RILPL1: variants seen among roughly 807,000 people sequenced by gnomAD.
The protein encoded by RILPL1 is Rab interacting lysosomal protein like 1, also known as RILP-like protein 1.
RILPL1 carries 33 observed loss-of-function variants against 50.3 expected under a neutral mutation model. The observed-to-expected ratio is 0.66, with a 90% confidence interval of 0.50 to 0.88. RILPL1 has a LOEUF of 0.88. Among genes scored for constraint, RILPL1 ranks in the 40% least tolerant of loss-of-function variants. RILPL1 has a pLI of 0.00. For missense variants in RILPL1, 418 were observed against 542.5 expected (o/e 0.77, Z 2.28); for synonymous variants, 205 against 228.6 (o/e 0.90, Z 0.93).
At chr12:123,483,424 GAA>G (rs968206781) in intron 6 of RILPL1, among the ~76,000 whole-genome samples, 3 of 152,344 alleles carry the variant, frequency 2.0e-5, no homozygotes, top group East Asian at 1.9e-4. Flanking sequence ...TATTCTGTGG[GAA>G]CAGGACCCAG....
chr12:123,513,221 T>C (rs1426370343), intron 2 of RILPL1: 1 of 254,410 alleles, frequency 3.9e-6, no homozygotes, highest in Non-Finnish European at 8.5e-6. Flanking sequence ...TGTATGTGTG[T>C]GTCGTGTGTG....
Position 123,523,493 on chromosome 12 carries a change from A to G in RILPL1, c.460+2T>C, listed in dbSNP as rs1170494083. The stretch of plus-strand genomic sequence containing the variant: ...CTTGCATTGGCGCCGACCCCCACTT[A>G]CCTTCATGCTTCTGGAACTCCTCCT... On this transcript the variant is annotated splice_donor_variant, in intron 2 of 6. Transcript: ENST00000376874. LOFTEE classifies it high-confidence loss of function. 4.3e-6 allele frequency: 7 copies of G among 1,613,822 alleles called. No individual in the cohort carries two copies. The highest frequency in any genetic ancestry group is 5.1e-6 in the Non-Finnish European group (6 of 1,179,876).
chr12:123,531,959 G>T (rs925540709), intron 1 of RILPL1, among the ~76,000 whole-genome samples: 3 of 152,186 alleles, frequency 2.0e-5, no homozygotes, highest in African/African-American at 7.2e-5. Context: ...TTTCCTTCCT[G>T]CCCCTAGGGC....
intron 2 of RILPL1, among the ~76,000 whole-genome samples, chr12:123,506,075 C>A (rs1026385966): frequency 1.3e-5 from 2 of 152,196 alleles, no homozygotes; most frequent in Admixed American, 6.5e-5. Context: ...AGTGCCGTGA[C>A]GGATGTGACA....
In RILPL1 at chr12:123,512,625, T is replaced by C. The variant is rs538954240; in HGVS notation, c.460+10870A>G. ...TCTGTATGTGTGAGGTCTGTGTCTG[T>C]GTGTCGTGTGTGAGGTCTGTGTGTG... On this transcript the variant is annotated intron_variant, in intron 2 of 6. Transcript: ENST00000376874. 5.8e-4 allele frequency among the ~76,000 whole-genome samples: 78 copies of C among 134,958 alleles called. No individual in the cohort carries two copies. The South Asian group carries it at 0.017, about 29-fold the overall frequency. The allele number at this position is 134,958 out of a possible 152,430, so 88.5% of individuals were successfully genotyped here.
intron 6 of RILPL1, 80 bp downstream of exon 6, chr12:123,484,100 C>T: frequency 2.3e-6 from 2 of 862,732 alleles, no homozygotes; most frequent in Non-Finnish European, 3.7e-6. Context: ...GCCCTGGGAG[C>T]AGGTGCCAAG....
chr12:123,527,377 G>A (rs932515473), intron 1 of RILPL1, among the ~76,000 whole-genome samples: 3 of 150,040 alleles, frequency 2.0e-5, no homozygotes, highest in African/African-American at 4.9e-5. Context: ...GATGGCTTAC[G>A]CCTATAATCA....
intron 2 of RILPL1, among the ~76,000 whole-genome samples, chr12:123,502,080 CAAAA>C (rs35609573): frequency 1.0e-5 from 1 of 98,518 alleles, no homozygotes; most frequent in African/African-American, 3.5e-5. Context: ...AACTTCGTCT[CAAAA>C]AAAAAAAAAA....
intron 2 of RILPL1, among the ~76,000 whole-genome samples, chr12:123,512,639 G>A: frequency 7.2e-6 from 1 of 139,428 alleles, no homozygotes; most frequent in African/African-American, 2.7e-5. Flanking sequence ...TCGTGTGTGA[G>A]GTCTGTGTGT....
At chr12:123,528,759 A>G (rs4930716) in intron 1 of RILPL1, among the ~76,000 whole-genome samples, 111,049 of 152,012 alleles carry the variant, frequency 0.73, 42,669 homozygotes, top group East Asian at 0.91. Flanking sequence ...AGCCACAGGG[A>G]ATGAATACAG....
At chr12:123,526,905 G>A (rs76909705) in intron 1 of RILPL1, among the ~76,000 whole-genome samples, 3,782 of 152,216 alleles carry the variant, frequency 0.025, 161 homozygotes, top group African/African-American at 0.087. Flanking sequence ...GGCTCACACG[G>A]GGCTCAGAGA....
At chr12:123,510,356 G>T (rs577577171) in intron 2 of RILPL1, among the ~76,000 whole-genome samples, 2 of 152,332 alleles carry the variant, frequency 1.3e-5, no homozygotes, top group South Asian at 4.1e-4. Context: ...TTGGGCATGT[G>T]GGGGGTGTGG....
Position 123,485,166 on chromosome 12 carries a change from C to T in RILPL1, c.974+467G>A. 2.2e-6 allele frequency: 1 copy of T among 456,428 alleles called. No individual in the cohort carries two copies. The allele number at this position is 456,428 out of a possible 1,614,324, so 28.3% of individuals were successfully genotyped here. A position where few individuals can be genotyped will look rare whatever the true frequency, so the allele number is the denominator to read the frequency against. ...CCATTCTAAGTGCTGGGAACTTAGC[C>T]ATGGACAAGATAAATAAGACTTCTG... On this transcript the variant is annotated intron_variant, in intron 5 of 6. Transcript: ENST00000376874. The surrounding 1 kb of genome is among the most constrained non-coding windows in gnomAD (Gnocchi z 4.0).
rs537979952 is a variant in RILPL1, at chr12:123,507,028, A to ATT, written c.461-7493_461-7492insAA. ...GGGCAAGAATCCATTTAGCCACCAG[A>ATT]ATGGCTAAAATGAGAAGGACTGACA... On this transcript the variant is annotated intron_variant, in intron 2 of 6. Transcript: ENST00000376874. Among the ~76,000 whole-genome samples, 605 of 152,230 alleles carry ATT rather than the reference A, an allele frequency of 4.0e-3. 3 individuals are homozygous for ATT. The highest frequency in any genetic ancestry group is 0.014 in the African/African-American group (569 of 41,544).
At chr12:123,508,507 T>G (rs1883897014) in intron 2 of RILPL1, among the ~76,000 whole-genome samples, 1 of 152,220 alleles carries the variant, frequency 6.6e-6, no homozygotes. Context: ...TCCATGTATA[T>G]GAAGTTCAAA....
chr12:123,482,621 T>TC (rs983854363), intron 6 of RILPL1, among the ~76,000 whole-genome samples: 10 of 132,996 alleles, frequency 7.5e-5, no homozygotes, highest in South Asian at 2.2e-4. Context: ...TCTCTCTCTC[T>TC]TTTTTTTTTT....
chr12:123,531,428 C>T (rs1435434359), intron 1 of RILPL1, among the ~76,000 whole-genome samples: 1 of 152,118 alleles, frequency 6.6e-6, no homozygotes, highest in Non-Finnish European at 1.5e-5. Context: ...GGTGCCAGGA[C>T]TTCTGTGTGA....
At chr12:123,477,622 G>A (rs541302175) in intron 6 of RILPL1, among the ~76,000 whole-genome samples, 113 of 152,140 alleles carry the variant, frequency 7.4e-4, no homozygotes, top group African/African-American at 2.6e-3. Flanking sequence ...GAACCACCAC[G>A]CCTGGCCAGG....
At chr12:123,501,788 A>C (rs1348568643) in intron 2 of RILPL1, among the ~76,000 whole-genome samples, 1 of 151,152 alleles carries the variant, frequency 6.6e-6, no homozygotes, top group Non-Finnish European at 1.5e-5. Flanking sequence ...AGAAAAGAAA[A>C]AAAACAACCC....
Sources: allele counts gnomAD v4.1 joint callset (sites outside exome capture counted in the v4.1 genomes callset), GRCh38; gene constraint gnomAD v4.1.1; non-coding constraint Gnocchi (gnomAD v3.1); transcripts MANE v1.5; gene names NCBI Gene and HGNC (gene_info 2026-07-23, HGNC 2026-07-21).